The following ARHGAP10 variants were observed in gnomAD, a reference collection of about 807,000 sequenced individuals.
ARHGAP10 encodes the protein rho GTPase-activating protein 10.
Under a neutral mutation model 108.6 loss-of-function variants are expected in ARHGAP10, and 87 were observed. The ratio of observed to expected loss-of-function variants is 0.80; its 90% CI spans 0.67 to 0.96. ARHGAP10 has a LOEUF of 0.96. ARHGAP10 is among the 40% of genes least tolerant of loss of function. The pLI, the probability that ARHGAP10 is intolerant of heterozygous loss-of-function variation, is 0.00. For missense variants in ARHGAP10, 939 were observed against 954.5 expected (o/e 0.98, Z 0.21); for synonymous variants, 347 against 341.1 (o/e 1.02, Z -0.19).
intron 18 of ARHGAP10, among the ~76,000 whole-genome samples, chr4:147,972,916 G>A (rs1295373210): frequency 6.6e-6 from 1 of 151,996 alleles, no homozygotes; most frequent in African/African-American, 2.4e-5. Flanking sequence ...CACCATGCCT[G>A]GCTAATTTTG....
chr4:148,066,017 C>G lies in ARHGAP10; in HGVS notation c.2272+1510C>G, dbSNP rs551057017. On this transcript the variant is annotated intron_variant, in intron 22 of 22. Transcript: ENST00000336498. ...AAAAAGGGTTGAGGGGATTAGTTTA[C>G]ACAATAGTAAGTGTGGAAGTAGGGA... is the stretch of plus-strand genomic sequence containing the variant. Among the ~76,000 whole-genome samples, 11 of 145,212 alleles carry G rather than the reference C, an allele frequency of 7.6e-5. No homozygotes were observed. The Admixed American group carries it at 7.6e-4, about 10-fold the overall frequency.
At chr4:148,004,227 C>T (rs544272392) in intron 18 of ARHGAP10, among the ~76,000 whole-genome samples, 1 of 152,314 alleles carries the variant, frequency 6.6e-6, no homozygotes, top group East Asian at 1.9e-4. Flanking sequence ...AAGGGCATCT[C>T]TCTGCTATCA....
intron 18 of ARHGAP10, among the ~76,000 whole-genome samples, chr4:147,976,556 T>TC (rs1022735059): frequency 6.7e-6 from 1 of 149,766 alleles, no homozygotes; most frequent in Non-Finnish European, 1.5e-5. Context: ...TTTTTTTTTT[T>TC]CTTCTTCTCA....
At chr4:147,825,423 G>A (rs1461925223) in intron 3 of ARHGAP10, among the ~76,000 whole-genome samples, 1 of 151,964 alleles carries the variant, frequency 6.6e-6, no homozygotes, top group African/African-American at 2.4e-5. Flanking sequence ...CTCCAGCCTG[G>A]GCGACAGAGC....
chr4:147,873,443 TGGG>T (rs1370433767), intron 7 of ARHGAP10, among the ~76,000 whole-genome samples: 3 of 151,182 alleles, frequency 2.0e-5, no homozygotes, highest in African/African-American at 7.3e-5. Context: ...TATACACACA[TGGG>T]GGGAAATGAG....
In ARHGAP10 at chr4:147,913,075, T is replaced by G. The variant is rs371096735; in HGVS notation, c.1164T>G (p.Asn388Lys). Reference sequence around the variant, plus strand: ...AATGTTTTAAACTGTTTCTTGTAGATGCACAGTTGGATAAGATGGGGTTCA... The same window carrying G: ...AATGTTTTAAACTGTTTCTTGTAGAGGCACAGTTGGATAAGATGGGGTTCA... ...NTAIIPRPEG[N>K]AQLDKMGFTI... is the part of the protein sequence containing the mutation. Residue 388 changes from asparagine (N) to lysine (K), a missense_variant and splice_region_variant, in exon 13 of 23, where the codon AAT (asparagine) becomes AAG (lysine). By Grantham distance (94) the Asn-to-Lys change is moderately conservative (BLOSUM62 0). Coordinates refer to ENST00000336498, the MANE Select transcript of ARHGAP10 (RefSeq NM_024605.4). 1 of 1,612,774 alleles carries G rather than the reference T, an allele frequency of 6.2e-7. No homozygotes were observed. The highest frequency in any genetic ancestry group is 1.7e-5 in the Admixed American group (1 of 60,008).
At chr4:148,040,952 A>G (rs913967651) in intron 19 of ARHGAP10, among the ~76,000 whole-genome samples, 1 of 152,110 alleles carries the variant, frequency 6.6e-6, no homozygotes, top group Non-Finnish European at 1.5e-5. Flanking sequence ...TTCTCAGCAA[A>G]ACTTTCTTTT....
intron 20 of ARHGAP10, among the ~76,000 whole-genome samples, chr4:148,059,996 G>A (rs1051217619): frequency 4.6e-5 from 6 of 129,328 alleles, no homozygotes; most frequent in African/African-American, 1.4e-4. Flanking sequence ...GAGAGAGAGG[G>A]GAGAGAGAGG....
chr4:147,948,699 G>A (rs1006073365), intron 15 of ARHGAP10, among the ~76,000 whole-genome samples: 1 of 151,964 alleles, frequency 6.6e-6, no homozygotes, highest in Non-Finnish European at 1.5e-5. Context: ...GCTCACGCCT[G>A]TAATCTCAGC....
intron 1 of ARHGAP10, among the ~76,000 whole-genome samples, chr4:147,788,188 T>C (rs575100130): frequency 7.2e-5 from 11 of 152,140 alleles, no homozygotes; most frequent in Non-Finnish European, 1.5e-4. Flanking sequence ...GGCTTGCACG[T>C]GTAATCCCAG....
chr4:148,071,927 A>G, intron 22 of ARHGAP10, 66 bp from the exon 23 acceptor site: 1 of 1,416,100 alleles, frequency 7.1e-7, no homozygotes. Flanking sequence ...TGAGCTTTTA[A>G]GTGAACACCC....
chr4:147,823,328 G>T (rs1732581208), intron 3 of ARHGAP10, among the ~76,000 whole-genome samples: 1 of 152,190 alleles, frequency 6.6e-6, no homozygotes, highest in African/African-American at 2.4e-5. Context: ...AGAAACAGAG[G>T]ACAGCTGGGC....
At chr4:147,903,285 A>G (rs1736325223) in intron 10 of ARHGAP10, among the ~76,000 whole-genome samples, 1 of 152,140 alleles carries the variant, frequency 6.6e-6, no homozygotes, top group Non-Finnish European at 1.5e-5. Context: ...TCTGCATTCA[A>G]AAAAAACTTT....
chr4:147,909,868 A>G, intron 12 of ARHGAP10, 91 bp downstream of exon 12: 2 of 1,231,110 alleles, frequency 1.6e-6, no homozygotes, highest in Non-Finnish European at 2.4e-6. Context: ...CTGGGAGCTT[A>G]CTCTCTGCAC....
chr4:147,832,356 T>A (rs1028440552), intron 3 of ARHGAP10, among the ~76,000 whole-genome samples: 12 of 147,516 alleles, frequency 8.1e-5, no homozygotes, highest in African/African-American at 2.7e-4. Flanking sequence ...TTTTTTTTTT[T>A]AAAAAGAGGA....
rs768351688 is a variant in ARHGAP10, at chr4:147,732,449, A to G, written c.148A>G (p.Thr50Ala). 6.8e-6 allele frequency: 11 copies of G among 1,611,488 alleles called. No homozygotes were observed. The highest frequency in any genetic ancestry group is 9.3e-6 in the Non-Finnish European group (11 of 1,178,770). The change falls in exon 1 of 23, where the codon ACG becomes GCG. Residue 50 changes from threonine (T) to alanine (A), a missense_variant. Physicochemically the swap from Thr to Ala is moderately conservative, Grantham distance 58. Coordinates refer to ENST00000336498, the MANE Select transcript of ARHGAP10 (RefSeq NM_024605.4). ...GGACGGGAAGAACCTCATCGCTGCG[A>G]CGAAAAGTAAGCGGGGACGCGGGCG... is the stretch of plus-strand genomic sequence containing the variant. ...IKDGKNLIAA[T>A]KSLSVAQRKF...
intron 3 of ARHGAP10, among the ~76,000 whole-genome samples, chr4:147,835,801 A>T (rs1390386456): frequency 2.0e-5 from 3 of 152,256 alleles, no homozygotes; most frequent in African/African-American, 7.2e-5. Context: ...CAAAAAAAAA[A>T]TTCAAAATTG....
At chr4:147,912,593 A>ATG (rs1736800547) in intron 12 of ARHGAP10, among the ~76,000 whole-genome samples, 4 of 98,490 alleles carry the variant, frequency 4.1e-5, no homozygotes, top group Admixed American at 3.4e-4. Context: ...ATATATATAT[A>ATG]TATATAAAAT....
chr4:148,035,735 C>A (rs371069406), intron 19 of ARHGAP10, among the ~76,000 whole-genome samples: 1 of 152,140 alleles, frequency 6.6e-6, no homozygotes, highest in African/African-American at 2.4e-5. Flanking sequence ...TGCACCTGCC[C>A]GTGCTGAGAA....
Sources: allele counts gnomAD v4.1 joint callset (sites outside exome capture counted in the v4.1 genomes callset), GRCh38; gene constraint gnomAD v4.1.1; transcripts MANE v1.5; gene names NCBI Gene and HGNC (gene_info 2026-07-23, HGNC 2026-07-21).